OPCML: variants seen among roughly 807,000 people sequenced by gnomAD.
OPCML encodes opioid binding protein/cell adhesion molecule like, also known as opioid-binding protein/cell adhesion molecule.
In OPCML, 13 loss-of-function variants were observed where a neutral mutation model predicts 37.8. The observed-to-expected ratio is 0.34, with a 90% CI of 0.22 to 0.55. The LOEUF is 0.55. Among genes scored for constraint, OPCML ranks in the 20% least tolerant of loss-of-function variants. The probability of loss-of-function intolerance (pLI) is 0.91; values close to 1 mark genes in which losing one functional copy is unlikely to be tolerated. For missense variants in OPCML, 341 were observed against 435.6 expected (o/e 0.78, Z 1.93); for synonymous variants, 176 against 168.8 (o/e 1.04, Z -0.33).
intron 2 of OPCML, among the ~76,000 whole-genome samples, chr11:132,849,285 T>G (rs1332233308): frequency 6.6e-6 from 1 of 152,162 alleles, no homozygotes; most frequent in African/African-American, 2.4e-5. Context: ...AAGGGTAAGA[T>G]TTCATGCGAT....
intron 3 of OPCML, among the ~76,000 whole-genome samples, chr11:132,565,482 C>T (rs959619325): frequency 5.3e-5 from 8 of 152,164 alleles, no homozygotes; most frequent in African/African-American, 1.2e-4. Flanking sequence ...TTTCCAAAGT[C>T]CACTCCCAGA....
At chr11:132,656,309 A>G (rs1418725232) in intron 3 of OPCML, among the ~76,000 whole-genome samples, 1 of 152,210 alleles carries the variant, frequency 6.6e-6, no homozygotes, top group Non-Finnish European at 1.5e-5. Context: ...TTTAATTCTT[A>G]ATATTTAATA....
intron 2 of OPCML, among the ~76,000 whole-genome samples, chr11:132,857,855 T>C (rs1942122673): frequency 6.6e-6 from 1 of 152,148 alleles, no homozygotes; most frequent in Non-Finnish European, 1.5e-5. Context: ...CAAAAGCTCT[T>C]TGGAATCCTC....
At chr11:133,193,327 G>A (rs889125184) in intron 1 of OPCML, among the ~76,000 whole-genome samples, 8 of 152,144 alleles carry the variant, frequency 5.3e-5, no homozygotes, top group African/African-American at 1.4e-4. Flanking sequence ...AGCATCTCCC[G>A]CAAAGAACTG....
intron 1 of OPCML, among the ~76,000 whole-genome samples, chr11:133,233,327 T>A (rs1238961758): frequency 6.6e-6 from 1 of 152,096 alleles, no homozygotes; most frequent in African/African-American, 2.4e-5. Context: ...TGAAGGAAAC[T>A]GGGAAACATC....
chr11:133,136,221 T>G (rs1411095805), intron 1 of OPCML, among the ~76,000 whole-genome samples: 1 of 152,136 alleles, frequency 6.6e-6, no homozygotes, highest in African/African-American at 2.4e-5. Context: ...TGAGTCAAGA[T>G]AGAGGAGTAA....
chr11:133,305,632 G>C (rs990305550), intron 1 of OPCML, among the ~76,000 whole-genome samples: 6 of 152,136 alleles, frequency 3.9e-5, no homozygotes, highest in African/African-American at 1.4e-4. Context: ...CTGATGTATA[G>C]ATTTACATTA....
chr11:132,818,370 C>T (rs1939751507), intron 2 of OPCML, among the ~76,000 whole-genome samples: 1 of 151,960 alleles, frequency 6.6e-6, no homozygotes, highest in African/African-American at 2.4e-5. Flanking sequence ...CGACTGCCCT[C>T]CGTAACGTGG....
chr11:133,288,490 G>C (rs1192681485), intron 1 of OPCML, among the ~76,000 whole-genome samples: 1 of 152,196 alleles, frequency 6.6e-6, no homozygotes, highest in East Asian at 1.9e-4. Context: ...GTGGAGGCAG[G>C]CTCAACCACG....
At chr11:132,716,416 ATCT>A (rs1565802047) in intron 2 of OPCML, among the ~76,000 whole-genome samples, 1 of 14,460 alleles carries the variant, frequency 6.9e-5, no homozygotes, top group Non-Finnish European at 2.1e-4. Flanking sequence ...CTGTCTGTCT[ATCT>A]ATCTATCTAT....
chr11:133,502,336 G>T (rs919798090), intron 1 of OPCML, among the ~76,000 whole-genome samples: 1 of 152,228 alleles, frequency 6.6e-6, no homozygotes, highest in African/African-American at 2.4e-5. Context: ...AGGCAGGGTG[G>T]CAGGGTGGCT....
At chr11:132,604,666 G>T (rs982639538) in intron 3 of OPCML, among the ~76,000 whole-genome samples, 1 of 152,132 alleles carries the variant, frequency 6.6e-6, no homozygotes, top group Non-Finnish European at 1.5e-5. Context: ...GTTTGAAGGC[G>T]CCAACATTCC....
intron 1 of OPCML, among the ~76,000 whole-genome samples, chr11:132,968,615 G>C (rs1420329951): frequency 6.6e-6 from 1 of 152,084 alleles, no homozygotes; most frequent in Non-Finnish European, 1.5e-5. Context: ...ACCTCTTAAA[G>C]TCCCCACCTC....
At chr11:132,565,418 G>A (rs1721605235) in intron 3 of OPCML, among the ~76,000 whole-genome samples, 1 of 152,086 alleles carries the variant, frequency 6.6e-6, no homozygotes, top group Non-Finnish European at 1.5e-5. Flanking sequence ...ACCTTCTCCC[G>A]AACGTTAGCT....
intron 1 of OPCML, among the ~76,000 whole-genome samples, chr11:133,495,931 T>G (rs1947777014): frequency 6.6e-6 from 1 of 152,212 alleles, no homozygotes; most frequent in South Asian, 2.1e-4. Context: ...TATCATTGTT[T>G]TTATTGCATT....
At chr11:133,419,721 T>C (rs897795603) in intron 1 of OPCML, among the ~76,000 whole-genome samples, 5 of 152,212 alleles carry the variant, frequency 3.3e-5, no homozygotes, top group Non-Finnish European at 5.9e-5. Flanking sequence ...TTTTATTGTC[T>C]AGGCTTAAGA....
At chr11:133,148,369 A>T (rs73596425) in intron 1 of OPCML, among the ~76,000 whole-genome samples, 3,225 of 152,302 alleles carry the variant, frequency 0.021, 105 homozygotes, top group African/African-American at 0.075. Context: ...GGAACGTGCA[A>T]TCCATGCAGA....
At chr11:133,371,118 A>G (rs1351423313) in intron 1 of OPCML, among the ~76,000 whole-genome samples, 1 of 152,218 alleles carries the variant, frequency 6.6e-6, no homozygotes. Context: ...ACAATAAGAT[A>G]TTACCATTAG....
chr11:133,080,472 A>ATGT (rs760403773), intron 1 of OPCML, among the ~76,000 whole-genome samples: 23 of 124,746 alleles, frequency 1.8e-4, no homozygotes, highest in Non-Finnish European at 3.6e-4. Flanking sequence ...TGGTAATCAA[A>ATGT]TGTTTTTTTT....
Sources: gnomAD v4.1 joint callset for allele counts (sites outside exome capture counted in the v4.1 genomes callset) on GRCh38, gnomAD v4.1.1 for gene constraint, MANE v1.5 for transcripts, NCBI Gene and HGNC (gene_info 2026-07-23, HGNC 2026-07-21) for gene names.